CDH12: variants seen among roughly 807,000 people sequenced by gnomAD.
The protein encoded by CDH12 is cadherin 12.
In CDH12, 41 loss-of-function variants were observed where a neutral mutation model predicts 74.1. That is an observed-to-expected ratio of 0.55 (90% CI 0.43 to 0.72). The LOEUF (loss-of-function observed/expected upper bound fraction) is 0.72, where lower values mean the gene tolerates loss of function less well. Among genes scored for constraint, CDH12 ranks in the 30% least tolerant of loss-of-function variants. The probability of loss-of-function intolerance (pLI) is 0.00; values close to 1 mark genes in which losing one functional copy is unlikely to be tolerated. For missense variants in CDH12, 945 were observed against 977.2 expected, an observed-to-expected ratio of 0.97 and a Z score of 0.44; for synonymous variants, 399 against 355.0, an observed-to-expected ratio of 1.12 and a Z score of -1.39.
At chr5:22,599,679 C>T (rs1319138435) in intron 1 of CDH12, among the ~76,000 whole-genome samples, 1 of 151,928 alleles carries the variant, frequency 6.6e-6, no homozygotes. Context: ...TGGAACTATC[C>T]TATAAGGAAG....
intron 4 of CDH12, among the ~76,000 whole-genome samples, chr5:22,209,444 A>G (rs1751405687): frequency 6.6e-6 from 1 of 152,252 alleles, no homozygotes; most frequent in Non-Finnish European, 1.5e-5. Flanking sequence ...TTTCACTATT[A>G]ACGTGAGTTC....
At chr5:22,224,629 A>G (rs1370702001) in intron 3 of CDH12, among the ~76,000 whole-genome samples, 1 of 152,072 alleles carries the variant, frequency 6.6e-6, no homozygotes, top group Non-Finnish European at 1.5e-5. Flanking sequence ...TGTGAGTCAT[A>G]TAAAAACAGG....
intron 1 of CDH12, among the ~76,000 whole-genome samples, chr5:22,611,259 T>C (rs532090956): frequency 6.6e-6 from 1 of 152,312 alleles, no homozygotes; most frequent in African/African-American, 2.4e-5. Context: ...TTCCCCTCTT[T>C]CTACACTTAA....
intron 1 of CDH12, among the ~76,000 whole-genome samples, chr5:22,714,090 C>T (rs985141079): frequency 3.3e-5 from 5 of 152,240 alleles, no homozygotes; most frequent in Non-Finnish European, 7.4e-5. Flanking sequence ...TTTTATATTA[C>T]AATTGTCTGT....
rs146294877 is a variant in CDH12, at chr5:22,412,944, C to T, written c.-427-7593G>A. On this transcript the variant is annotated intron_variant, in intron 2 of 14. Coordinates refer to ENST00000382254, the MANE Select transcript of CDH12 (RefSeq NM_004061.5). ...AATATTAAAATAGTTGATGTTCATC[C>T]ATCATCAGAATAATCCTCCTTCCAG... Among the ~76,000 whole-genome samples the T allele has an allele frequency of 3.3e-5, 5 of 151,994 alleles. No homozygotes were observed. In the East Asian group the frequency reaches 9.7e-4, roughly 29 times the overall value.
intron 1 of CDH12, among the ~76,000 whole-genome samples, chr5:22,818,360 A>G (rs1749495267): frequency 6.6e-6 from 1 of 152,056 alleles, no homozygotes; most frequent in African/African-American, 2.4e-5. Context: ...GGTGTATTAT[A>G]CATCACAGCT....
chr5:22,215,880 A>T (rs543265355), intron 3 of CDH12, among the ~76,000 whole-genome samples: 7 of 152,262 alleles, frequency 4.6e-5, no homozygotes, highest in African/African-American at 1.7e-4. Flanking sequence ...ACACTCTTTC[A>T]AGAAGTTTAA....
chr5:22,545,603 G>T (rs1381483367), intron 1 of CDH12, among the ~76,000 whole-genome samples: 1 of 152,020 alleles, frequency 6.6e-6, no homozygotes, highest in Non-Finnish European at 1.5e-5. Context: ...TAGATCATTT[G>T]GTAAGCCTAC....
At chr5:21,926,801 AGGTAGAACTGTG>A (rs1341771198) in intron 6 of CDH12, among the ~76,000 whole-genome samples, 1 of 152,192 alleles carries the variant, frequency 6.6e-6, no homozygotes, top group African/African-American at 2.4e-5. Flanking sequence ...GAGTGCATGC[AGGTAGAACTGTG>A]TACAACAATA....
chr5:22,718,308 T>C (rs1580922686), intron 1 of CDH12, among the ~76,000 whole-genome samples: 2 of 152,258 alleles, frequency 1.3e-5, no homozygotes, highest in Non-Finnish European at 2.9e-5. Context: ...CTCCCACACC[T>C]CTTAAAGTGG....
intron 4 of CDH12, among the ~76,000 whole-genome samples, chr5:22,114,919 G>A (rs559233711): frequency 3.0e-4 from 45 of 152,224 alleles, no homozygotes; most frequent in African/African-American, 1.0e-3. Context: ...CAGAGGATTT[G>A]AAAACAAAGA....
intron 1 of CDH12, among the ~76,000 whole-genome samples, chr5:22,700,628 A>G (rs1279342751): frequency 6.6e-6 from 1 of 152,208 alleles, no homozygotes; most frequent in African/African-American, 2.4e-5. Context: ...TTGAATCTGT[A>G]TATCCTAGGG....
chr5:21,991,553 A>ATT (rs1454979365), intron 5 of CDH12, among the ~76,000 whole-genome samples: 1 of 146,350 alleles, frequency 6.8e-6, no homozygotes, highest in Non-Finnish European at 1.5e-5. Context: ...TGTTAAATAT[A>ATT]TAACATTTAT....
chr5:21,995,661 C>A (rs921542908), intron 5 of CDH12, among the ~76,000 whole-genome samples: 1 of 151,624 alleles, frequency 6.6e-6, no homozygotes, highest in Admixed American at 6.6e-5. Context: ...GAAGTATCAC[C>A]GTAATTCACA....
chr5:22,431,204 A>T (rs1468005834), intron 2 of CDH12, among the ~76,000 whole-genome samples: 1 of 152,186 alleles, frequency 6.6e-6, no homozygotes, highest in East Asian at 1.9e-4. Context: ...ACAGCAATCA[A>T]ATATATTAAG....
chr5:21,846,006 G>A (rs1750147364), intron 7 of CDH12, among the ~76,000 whole-genome samples: 1 of 152,126 alleles, frequency 6.6e-6, no homozygotes, highest in South Asian at 2.1e-4. Flanking sequence ...AGCCAGGCAT[G>A]TTCAACATGG....
intron 2 of CDH12, among the ~76,000 whole-genome samples, chr5:22,428,941 A>C (rs2126515627): frequency 6.6e-6 from 1 of 152,226 alleles, no homozygotes; most frequent in East Asian, 1.9e-4. Flanking sequence ...GGCCAACCTT[A>C]TACCATTGTT....
intron 5 of CDH12, among the ~76,000 whole-genome samples, chr5:22,051,029 A>C (rs557971215): frequency 3.3e-4 from 51 of 152,284 alleles, no homozygotes; most frequent in African/African-American, 1.2e-3. Context: ...GCTGTCATTA[A>C]GGAATCTGAA....
At chr5:21,901,918 A>T (rs1358633501) in intron 6 of CDH12, among the ~76,000 whole-genome samples, 2 of 78,576 alleles carry the variant, frequency 2.5e-5, no homozygotes, top group Non-Finnish European at 8.1e-5. Context: ...TTTATTGTAT[A>T]ACAGATACTC....
Sources: allele counts gnomAD v4.1 joint callset (sites outside exome capture counted in the v4.1 genomes callset), GRCh38; gene constraint gnomAD v4.1.1; transcripts MANE v1.5; gene names NCBI Gene and HGNC (gene_info 2026-07-23, HGNC 2026-07-21).